BCL7A: variants seen among roughly 807,000 people sequenced by gnomAD.
BCL7A encodes BAF chromatin remodeling complex subunit BCL7A.
BCL7A carries 11 observed loss-of-function variants against 28.4 expected under a neutral mutation model. The ratio of observed to expected loss-of-function variants is 0.39; its 90% CI spans 0.24 to 0.64. BCL7A has a LOEUF of 0.64. Among genes scored for constraint, BCL7A ranks in the 30% least tolerant of loss-of-function variants. The pLI is 0.50. For missense variants in BCL7A, 222 were observed against 274.8 expected (o/e 0.81, Z 1.36); for synonymous variants, 123 against 103.3 (o/e 1.19, Z -1.15).
At position 122,060,602 on chromosome 12, in the gene BCL7A, C is replaced by T. The variant is rs1393847591; in HGVS notation, c.*1439C>T. On this transcript the variant is annotated 3_prime_UTR_variant, in exon 6 of 6. Transcript: ENST00000261822. Reference sequence around the variant, plus strand: ...ACCTTTTCCTAAGCTTTCTTTACTGCACTGGAGTTCTGACTCCCTTTGAGT... The same window carrying T: ...ACCTTTTCCTAAGCTTTCTTTACTGTACTGGAGTTCTGACTCCCTTTGAGT... 8.6e-6 allele frequency: 2 copies of T among 233,296 alleles called. No homozygotes were observed. The highest frequency in any genetic ancestry group is 8.5e-6 in the Non-Finnish European group (1 of 117,822). 14.5% of individuals were successfully genotyped at this position (233,296 alleles called of 1,614,324 possible). A position where few individuals can be genotyped will look rare whatever the true frequency, so the allele number is the denominator to read the frequency against.
intron 1 of BCL7A, among the ~76,000 whole-genome samples, chr12:122,024,302 C>T (rs1883561489): frequency 6.6e-6 from 1 of 152,268 alleles, no homozygotes; most frequent in African/African-American, 2.4e-5. Context: ...ACCATGGTGA[C>T]CCGGGGTTTT....
chr12:122,057,959 G>A (rs1210003678), intron 5 of BCL7A, among the ~76,000 whole-genome samples: 3 of 152,032 alleles, frequency 2.0e-5, no homozygotes, highest in African/African-American at 7.2e-5. Context: ...GGAGGCTGAG[G>A]CAGGAGGATC....
At chr12:122,022,578 C>A (rs1883490052) in intron 1 of BCL7A, among the ~76,000 whole-genome samples, 1 of 145,466 alleles carries the variant, frequency 6.9e-6, no homozygotes. Context: ...GCGCCGGGGC[C>A]GCGATGCCGG....
rs1036554688 is a variant in BCL7A, at chr12:122,060,265, A to G, written c.*1102A>G. The G allele has an allele frequency of 1.3e-5, 3 of 232,614 alleles. No homozygotes were observed. The highest frequency in any genetic ancestry group is 2.6e-5 in the Non-Finnish European group (3 of 117,524). The allele number at this position is 232,614 out of a possible 1,614,324, so 14.4% of individuals were successfully genotyped here. ...GTGGTCAGAATCCACGTGCTTTCCT[A>G]TTCTCAGGCTGTTCTGACTCTGAGC... is the stretch of plus-strand genomic sequence containing the variant. On this transcript the variant is annotated 3_prime_UTR_variant, in exon 6 of 6. Coordinates refer to ENST00000261822, the MANE Select transcript of BCL7A (RefSeq NM_001024808.3).
chr12:122,026,445 AAAAC>A (rs1325682001), intron 1 of BCL7A, among the ~76,000 whole-genome samples: 1 of 152,104 alleles, frequency 6.6e-6, no homozygotes, highest in African/African-American at 2.4e-5. Context: ...CTTGTCTCAA[AAAAC>A]AAACAAAAAA....
chr12:122,044,250 T>C, intron 4 of BCL7A, 197 bp downstream of exon 4: 1 of 617,332 alleles, frequency 1.6e-6, no homozygotes, highest in Non-Finnish European at 2.7e-6. Flanking sequence ...GGCTCATGCC[T>C]GTAATCCCTG....
Position 122,025,513 on chromosome 12 carries a change from G to C in BCL7A, c.92+3330G>C, listed in dbSNP as rs562905160. Among the ~76,000 whole-genome samples the C allele has an allele frequency of 2.9e-4, 44 of 151,946 alleles. No homozygotes were observed. The South Asian group carries it at 6.9e-3, about 24-fold the overall frequency. On this transcript the variant is annotated intron_variant, in intron 1 of 5. Coordinates refer to ENST00000261822, the MANE Select transcript of BCL7A (RefSeq NM_001024808.3). ...GTGGTGGCGGGCGCCTGTAGTCCCAGCTACTTGGGAGGCTGAGGCAGGAGA... is the reference window on the plus strand; with the variant it reads ...GTGGTGGCGGGCGCCTGTAGTCCCACCTACTTGGGAGGCTGAGGCAGGAGA...
chr12:122,047,380 C>T (rs534809360), intron 4 of BCL7A, among the ~76,000 whole-genome samples: 146 of 151,818 alleles, frequency 9.6e-4, no homozygotes, highest in Non-Finnish European at 1.8e-3. Context: ...AAAAATTATC[C>T]GGGCATGGTA....
At chr12:122,039,811 C>T (rs1318159921) in intron 3 of BCL7A, among the ~76,000 whole-genome samples, 1 of 151,512 alleles carries the variant, frequency 6.6e-6, no homozygotes, top group East Asian at 1.9e-4. Flanking sequence ...GAGATCATGC[C>T]ACTGCATTCC....
rs1204623444 is a variant in BCL7A, at chr12:122,025,946, CAAAAAAAAA to C, written c.92+3777_92+3785del. Reference sequence around the variant, plus strand: ...TGAGCAACAGAGCAAGACTCCATCTCAAAAAAAAAAAAAAAAAAAAAAGAAGAAAGAAAA... The same window carrying C: ...TGAGCAACAGAGCAAGACTCCATCTCAAAAAAAAAAAAAGAAGAAAGAAAA... On this transcript the variant is annotated intron_variant, in intron 1 of 5. Coordinates refer to ENST00000261822, the MANE Select transcript of BCL7A (RefSeq NM_001024808.3). 5.5e-5 allele frequency among the ~76,000 whole-genome samples: 6 copies of C among 108,188 alleles called. 1 individual carries two copies. The highest frequency in any genetic ancestry group is 2.4e-4 in the Admixed American group (2 of 8,236). The allele number at this position is 108,188 out of a possible 152,430, so 71.0% of individuals were successfully genotyped here.
At chr12:122,025,946 C>CAAAAA (rs1204623444) in intron 1 of BCL7A, among the ~76,000 whole-genome samples, 14 of 108,166 alleles carry the variant, frequency 1.3e-4, no homozygotes, top group South Asian at 3.3e-4. Flanking sequence ...GACTCCATCT[C>CAAAAA]AAAAAAAAAA....
At chr12:122,037,037 G>C (rs765018361) in intron 3 of BCL7A, among the ~76,000 whole-genome samples, 4 of 152,168 alleles carry the variant, frequency 2.6e-5, no homozygotes, top group Non-Finnish European at 5.9e-5. Context: ...TTGGTTTTCC[G>C]TGTTTGGAAA....
intron 4 of BCL7A, among the ~76,000 whole-genome samples, chr12:122,051,631 C>T (rs1240851759): frequency 5.3e-5 from 8 of 152,046 alleles, no homozygotes; most frequent in Admixed American, 3.9e-4. Flanking sequence ...CTGCCCAGCA[C>T]GGGTCAGCGT....
chr12:122,026,709 T>C (rs1883636817), intron 1 of BCL7A, among the ~76,000 whole-genome samples: 1 of 152,280 alleles, frequency 6.6e-6, no homozygotes, highest in Non-Finnish European at 1.5e-5. Context: ...GCCAGGCCTC[T>C]TGAGGTGACA....
chr12:122,044,602 C>T (rs762027282), intron 4 of BCL7A, among the ~76,000 whole-genome samples: 24 of 152,066 alleles, frequency 1.6e-4, no homozygotes, highest in Non-Finnish European at 2.1e-4. Context: ...GCAGGAGGAT[C>T]ACTTGAGGCC....
intron 3 of BCL7A, among the ~76,000 whole-genome samples, chr12:122,037,036 C>T (rs1005363515): frequency 9.9e-5 from 15 of 152,166 alleles, no homozygotes; most frequent in Admixed American, 2.6e-4. Flanking sequence ...GTTGGTTTTC[C>T]GTGTTTGGAA....
intron 4 of BCL7A, among the ~76,000 whole-genome samples, chr12:122,053,515 G>A (rs942464582): frequency 6.6e-6 from 1 of 152,156 alleles, no homozygotes; most frequent in African/African-American, 2.4e-5. Flanking sequence ...GGAAGTCTTG[G>A]TCGCACAGGC....
At chr12:122,050,049 A>G (rs1046342204) in intron 4 of BCL7A, among the ~76,000 whole-genome samples, 2 of 152,148 alleles carry the variant, frequency 1.3e-5, no homozygotes, top group African/African-American at 2.4e-5. Flanking sequence ...ATCTGGGCTC[A>G]TTGCAACCTC....
chr12:122,052,190 C>T (rs539573259), intron 4 of BCL7A, among the ~76,000 whole-genome samples: 1 of 151,336 alleles, frequency 6.6e-6, no homozygotes, highest in African/African-American at 2.4e-5. Context: ...TGGCCCCTCT[C>T]TTTTAAAAAA....
Sources: gnomAD v4.1 joint callset for allele counts (sites outside exome capture counted in the v4.1 genomes callset) on GRCh38, gnomAD v4.1.1 for gene constraint, MANE v1.5 for transcripts, NCBI Gene and HGNC (gene_info 2026-07-23, HGNC 2026-07-21) for gene names.